The following APP variants were observed in gnomAD, a reference collection of about 807,000 sequenced individuals.
APP encodes amyloid-beta precursor protein.
In APP, 31 loss-of-function variants were observed where a neutral mutation model predicts 101.4. That is an observed-to-expected ratio of 0.31 (90% CI 0.23 to 0.41). The LOEUF is 0.41. APP is among the 10% of genes least tolerant of loss of function. The pLI, the probability that APP is intolerant of heterozygous loss-of-function variation, is 1.00. For synonymous variants in APP, 366 were observed against 364.4 expected, an observed-to-expected ratio of 1.00 and a Z score of -0.05; for missense variants, 839 against 1,003.7, an observed-to-expected ratio of 0.84 and a Z score of 2.22.
intron 5 of APP, among the ~76,000 whole-genome samples, chr21:26,048,625 A>T (rs993004943): frequency 6.6e-6 from 1 of 152,212 alleles, no homozygotes; most frequent in Non-Finnish European, 1.5e-5. Flanking sequence ...TATGTGCAAG[A>T]CATACCAGAC....
At chr21:26,029,639 G>A (rs999487920) in intron 5 of APP, among the ~76,000 whole-genome samples, 1 of 152,144 alleles carries the variant, frequency 6.6e-6, no homozygotes, top group South Asian at 2.1e-4. Flanking sequence ...GCACCTGAAA[G>A]GGAATTGGCT....
rs1262126758 is a variant in APP, at chr21:25,981,158, G to A, written c.1224+1186C>T. Among the ~76,000 whole-genome samples the A allele has an allele frequency of 2.0e-5, 3 of 152,108 alleles. No homozygotes were observed. The East Asian group carries it at 5.8e-4, about 29-fold the overall frequency. ...AGGGGCCATTCATTTGGCCCTGGGA[G>A]GGAGGAATCTTCCTGGGGTCAGCAG... On this transcript the variant is annotated intron_variant, in intron 9 of 17. Coordinates refer to ENST00000346798, the MANE Select transcript of APP (RefSeq NM_000484.4).
intron 8 of APP, among the ~76,000 whole-genome samples, chr21:25,990,674 G>A (rs1053169464): frequency 1.3e-5 from 2 of 152,164 alleles, no homozygotes; most frequent in African/African-American, 4.8e-5. Flanking sequence ...AGGTCTTAAG[G>A]ATAAAGCTGA....
intron 1 of APP, among the ~76,000 whole-genome samples, chr21:26,136,365 A>G (rs1335407349): frequency 6.6e-6 from 1 of 152,054 alleles, no homozygotes; most frequent in East Asian, 1.9e-4. Context: ...AAAAAGAAAC[A>G]GGCAATTTCA....
rs1169133702 is a variant in APP, at chr21:25,955,698, G to A, written c.1516C>T (p.Gln506Ter). The change falls in exon 12 of 18, where the codon CAG (glutamine) becomes TAG (stop). Residue 506 changes from glutamine (Q) to a stop codon, truncating the protein, a stop_gained. Transcript: ENST00000346798. LOFTEE classifies it high-confidence loss of function. ...TGCTCGAAATGCTTTAGGGTGTGCTGTCTGTCCTTCTGTTCTGCGCGGACA... is the reference window on the plus strand; with the variant it reads ...TGCTCGAAATGCTTTAGGGTGTGCTATCTGTCCTTCTGTTCTGCGCGGACA... ...KYVRAEQKDR[Q>*]HTLKHFEHVR... is the part of the protein sequence containing the mutation. The A allele has an allele frequency of 6.2e-7, 1 of 1,614,144 alleles. No individual in the cohort carries two copies. The highest frequency in any genetic ancestry group is 1.7e-5 in the Admixed American group (1 of 60,016).
chr21:25,953,282 A>G (rs1001298872), intron 13 of APP, among the ~76,000 whole-genome samples: 1 of 152,172 alleles, frequency 6.6e-6, no homozygotes, highest in African/African-American at 2.4e-5. Flanking sequence ...CCGTCCATTA[A>G]TGTGCAGTAC....
rs188496372 is a variant in APP, at chr21:25,983,753, G to A, written c.1091-1276C>T. ...ATCCAGATGTTGCTTTCAAGTGGAA[G>A]GAAGGAGGCAGGGCATATTCCTGGT... On this transcript the variant is annotated intron_variant, in intron 8 of 17. Coordinates refer to ENST00000346798, the MANE Select transcript of APP (RefSeq NM_000484.4). Among the ~76,000 whole-genome samples the A allele has an allele frequency of 1.5e-3, 223 of 152,284 alleles. 2 individuals carry two copies. Among genetic ancestry groups the A allele is most frequent in the East Asian group, 1.9e-4 (1 of 5,190 alleles).
intron 17 of APP, among the ~76,000 whole-genome samples, chr21:25,889,796 G>A (rs1420063956): frequency 6.6e-6 from 1 of 151,978 alleles, no homozygotes. Context: ...GCAGTGAGCG[G>A]AGATCATGCC....
At chr21:25,926,152 C>T (rs2146373158) in intron 13 of APP, among the ~76,000 whole-genome samples, 1 of 152,334 alleles carries the variant, frequency 6.6e-6, no homozygotes, top group African/African-American at 2.4e-5. Context: ...AGACTTCCTT[C>T]TTCCCTGGAC....
intron 13 of APP, among the ~76,000 whole-genome samples, chr21:25,952,642 A>T (rs2041139661): frequency 6.6e-6 from 1 of 152,184 alleles, no homozygotes; most frequent in African/African-American, 2.4e-5. Context: ...AATATTGGTC[A>T]TCAACTTTTT....
chr21:26,085,796 T>C (rs1291650650), intron 3 of APP, among the ~76,000 whole-genome samples: 1 of 152,232 alleles, frequency 6.6e-6, no homozygotes, highest in East Asian at 1.9e-4. Flanking sequence ...ATGCTTTTCC[T>C]AAAATTGTAT....
At chr21:25,883,835 C>T (rs1206855156) in intron 17 of APP, among the ~76,000 whole-genome samples, 1 of 152,214 alleles carries the variant, frequency 6.6e-6, no homozygotes, top group African/African-American at 2.4e-5. Context: ...AATCCCAAGG[C>T]AGCTGGAATA....
chr21:25,923,043 T>C (rs1251311711), intron 13 of APP, among the ~76,000 whole-genome samples: 2 of 144,352 alleles, frequency 1.4e-5, no homozygotes, highest in Admixed American at 6.9e-5. Flanking sequence ...TATAGATCAA[T>C]GGAACAGAAC....
intron 1 of APP, among the ~76,000 whole-genome samples, chr21:26,150,186 T>A (rs2063235019): frequency 6.6e-6 from 1 of 151,902 alleles, no homozygotes. Context: ...CAAAGAGCAA[T>A]AAACTGTGGA....
intron 1 of APP, among the ~76,000 whole-genome samples, chr21:26,146,524 C>T (rs892903937): frequency 6.6e-6 from 1 of 152,000 alleles, no homozygotes; most frequent in African/African-American, 2.4e-5. Context: ...TTGTCCACGT[C>T]TAATAGAGAT....
At chr21:26,066,386 A>G (rs2046454291) in intron 3 of APP, among the ~76,000 whole-genome samples, 1 of 152,048 alleles carries the variant, frequency 6.6e-6, no homozygotes, top group South Asian at 2.1e-4. Flanking sequence ...ATCGTTGTAC[A>G]ACCATCACTA....
chr21:26,010,176 A>T (rs568003491), intron 6 of APP, among the ~76,000 whole-genome samples: 1 of 151,766 alleles, frequency 6.6e-6, no homozygotes, highest in African/African-American at 2.4e-5. Context: ...TTGCTATTTT[A>T]TAACAGTGGA....
intron 10 of APP, among the ~76,000 whole-genome samples, chr21:25,975,702 T>C (rs2042199339): frequency 6.6e-6 from 1 of 152,198 alleles, no homozygotes; most frequent in Non-Finnish European, 1.5e-5. Flanking sequence ...AAAGATGTAT[T>C]ATTAATAAAA....
intron 5 of APP, among the ~76,000 whole-genome samples, chr21:26,034,647 AAAG>A (rs1427007078): frequency 2.3e-5 from 3 of 131,808 alleles, no homozygotes; most frequent in Non-Finnish European, 3.1e-5. Flanking sequence ...TCAAAAAAAA[AAAG>A]AAAAAGAAAA....
Sources: gnomAD v4.1 joint callset for allele counts (sites outside exome capture counted in the v4.1 genomes callset) on GRCh38, gnomAD v4.1.1 for gene constraint, MANE v1.5 for transcripts, NCBI Gene and HGNC (gene_info 2026-07-23, HGNC 2026-07-21) for gene names.